Variants in MREG observed in about 807,000 individuals in gnomAD.
MREG encodes melanoregulin.
A neutral mutation model predicts 28.5 loss-of-function variants in MREG; 31 were observed. That is an observed-to-expected ratio of 1.09 (90% CI 0.82 to 1.47). The LOEUF (loss-of-function observed/expected upper bound fraction) is 1.47, where lower values mean the gene tolerates loss of function less well. Ranked by LOEUF, MREG falls within the 40% of genes most tolerant of loss-of-function variation. The pLI is 0.00. For synonymous variants in MREG, 106 were observed against 95.2 expected, an observed-to-expected ratio of 1.11 and a Z score of -0.66; for missense variants, 256 against 257.4, an observed-to-expected ratio of 0.99 and a Z score of 0.04.
chr2:216,024,636 G>A (rs1354887137), intron 1 of MREG, among the ~76,000 whole-genome samples: 1 of 152,066 alleles, frequency 6.6e-6, no homozygotes, highest in Non-Finnish European at 1.5e-5. Flanking sequence ...CATTTTGGGA[G>A]GCCGAGGCGG....
intron 2 of MREG, among the ~76,000 whole-genome samples, chr2:215,952,741 T>C (rs569828747): frequency 2.8e-4 from 43 of 152,170 alleles, no homozygotes; most frequent in African/African-American, 9.6e-4. Context: ...AGATACAAAA[T>C]GAAAACCAGA....
Position 216,013,417 on chromosome 2 carries a change from G to T in MREG, c.-90C>A. On this transcript the variant is annotated 5_prime_UTR_variant, in exon 1 of 5. Coordinates refer to ENST00000263268, the MANE Select transcript of MREG (RefSeq NM_018000.3). ...GCTGGGGCGCGGCCACCGCGCCAGC[G>T]TCCAGGTGCGGGGACAGCGGCAGCC... is the stretch of plus-strand genomic sequence containing the variant. 3 of 924,236 alleles carry T rather than the reference G, an allele frequency of 3.2e-6. No individual in the cohort carries two copies. The highest frequency in any genetic ancestry group is 4.3e-6 in the Non-Finnish European group (3 of 698,580). 57.3% of individuals were successfully genotyped at this position (924,236 alleles called of 1,614,324 possible).
rs1441481117 is a variant in MREG, at chr2:216,023,869, T to C, written c.-68+8920A>G. ...ATTTAGTAGAGACACGGTTTCACCA[T>C]GTTGGCCAGGCTGGTCTCAAACTCC... On this transcript the variant is annotated intron_variant, in intron 1 of 3. Transcript: ENST00000420348. Among the ~76,000 whole-genome samples, 5 of 152,200 alleles carry C rather than the reference T, an allele frequency of 3.3e-5. No individual in the cohort carries two copies. The East Asian group carries it at 9.6e-4, about 29-fold the overall frequency.
chr2:216,017,057 G>A (rs111679953), upstream of MREG, among the ~76,000 whole-genome samples: 5 of 152,186 alleles, frequency 3.3e-5, no homozygotes, highest in African/African-American at 1.2e-4. Flanking sequence ...ACATCCCCCC[G>A]GGTAACCATT....
rs80354967 is a variant in MREG, at chr2:215,957,566, G to C, written c.256-10453C>G. On this transcript the variant is annotated intron_variant, in intron 2 of 4. Coordinates refer to ENST00000263268, the MANE Select transcript of MREG (RefSeq NM_018000.3). ...AGAGGTCTGAGATTCTAAGGACTGA[G>C]GAGAGAAGGTAAATATTTGGGGCTG... Among the ~76,000 whole-genome samples, 386 of 152,346 alleles carry C rather than the reference G, an allele frequency of 2.5e-3. 1 individual carries two copies. The highest frequency in any genetic ancestry group is 8.7e-3 in the African/African-American group (362 of 41,576).
chr2:215,953,873 T>C (rs541465270), intron 2 of MREG, among the ~76,000 whole-genome samples: 19 of 152,192 alleles, frequency 1.2e-4, no homozygotes, highest in Non-Finnish European at 2.5e-4. Context: ...CACAAAATAT[T>C]AGTTTCATAT....
At position 215,944,347 on chromosome 2, in the gene MREG, G is replaced by A. The variant is rs1214815086; in HGVS notation, c.*516C>T. The A allele has an allele frequency of 6.6e-6, 1 of 152,240 alleles. No homozygotes were observed. 9.4% of individuals were successfully genotyped at this position (152,240 alleles called of 1,614,324 possible). A position where few individuals can be genotyped will look rare whatever the true frequency, so the allele number is the denominator to read the frequency against. On this transcript the variant is annotated 3_prime_UTR_variant, in exon 5 of 5. Coordinates refer to ENST00000263268, the MANE Select transcript of MREG (RefSeq NM_018000.3). ...AATCATAACTGATACTCAAAGAGATGCCCTGACACCCTCCAAGGTTCTACA... is the reference window on the plus strand; with the variant it reads ...AATCATAACTGATACTCAAAGAGATACCCTGACACCCTCCAAGGTTCTACA...
intron 2 of MREG, among the ~76,000 whole-genome samples, chr2:215,973,562 A>G (rs1229656187): frequency 2.6e-5 from 4 of 152,148 alleles, no homozygotes; most frequent in Non-Finnish European, 5.9e-5. Flanking sequence ...ATTGGAGCAA[A>G]TGGATAAACG....
intron 1 of MREG, 73 bp from the exon 2 acceptor site, chr2:215,996,538 A>G: frequency 1.8e-6 from 2 of 1,087,206 alleles, no homozygotes; most frequent in East Asian, 2.4e-5. Flanking sequence ...TGCATGCAAC[A>G]TACAATATCA....
At chr2:215,970,722 C>T (rs891557524) in intron 2 of MREG, among the ~76,000 whole-genome samples, 3 of 152,186 alleles carry the variant, frequency 2.0e-5, no homozygotes, top group Non-Finnish European at 4.4e-5. Context: ...CCTGCCAATG[C>T]CACAGGCTTG....
intron 2 of MREG, among the ~76,000 whole-genome samples, chr2:215,952,610 A>G (rs1253957094): frequency 2.6e-5 from 4 of 152,200 alleles, no homozygotes; most frequent in African/African-American, 7.2e-5. Flanking sequence ...TGTTCTAACA[A>G]TAATTTACAT....
chr2:216,014,971 C>T (rs1574657458), upstream of MREG, among the ~76,000 whole-genome samples: 1 of 152,230 alleles, frequency 6.6e-6, no homozygotes, highest in African/African-American at 2.4e-5. Context: ...GAAACAAATA[C>T]AAATCTTTAC....
chr2:215,947,195 A>T, intron 2 of MREG, 82 bp from the exon 3 acceptor site: 1 of 791,840 alleles, frequency 1.3e-6, no homozygotes, highest in Admixed American at 2.5e-5. Context: ...TGTTGCCTAA[A>T]CACCTGGCTC....
rs1178467810 is a variant in MREG at position 215,943,915 on chromosome 2, G to T, written c.*948C>A. Among the ~76,000 whole-genome samples, 1 of 134,710 alleles carries T rather than the reference G, an allele frequency of 7.4e-6. No homozygotes were observed. The highest frequency in any genetic ancestry group is 1.6e-5 in the Non-Finnish European group (1 of 64,156). The allele number at this position is 134,710 out of a possible 152,430, so 88.4% of individuals were successfully genotyped here. On this transcript the variant is annotated 3_prime_UTR_variant, in exon 5 of 5. Coordinates refer to ENST00000263268, the MANE Select transcript of MREG (RefSeq NM_018000.3). ...ACAATATACAAAGATGAGAGAACCA[G>T]ATATCAATAATGTTGGGAATTTAAA...
At chr2:216,013,146 A>T (rs74837438) in intron 1 of MREG, 87 bp downstream of exon 1, 13 of 1,209,850 alleles carry the variant, frequency 1.1e-5, no homozygotes, top group Admixed American at 2.2e-5. Flanking sequence ...CACCTCCCCA[A>T]CTCACACAAG....
chr2:215,955,866 T>A (rs1574597097), intron 2 of MREG, among the ~76,000 whole-genome samples: 1 of 152,120 alleles, frequency 6.6e-6, no homozygotes, highest in South Asian at 2.1e-4. Context: ...GTGAAATAGA[T>A]AATACAGACT....
At chr2:216,001,858 C>T (rs764796072) in intron 1 of MREG, among the ~76,000 whole-genome samples, 2 of 152,138 alleles carry the variant, frequency 1.3e-5, no homozygotes, top group African/African-American at 4.8e-5. Context: ...GAGAAGCCTA[C>T]AGCAAATGGC....
upstream of MREG, among the ~76,000 whole-genome samples, chr2:216,014,273 T>C (rs376450829): frequency 1.3e-5 from 2 of 152,130 alleles, no homozygotes; most frequent in South Asian, 2.1e-4. Context: ...GATGGACATA[T>C]GGGTGGATTC....
Position 215,981,981 on chromosome 2 carries a change from G to T in MREG, c.255+14325C>A, listed in dbSNP as rs1407576812. Among the ~76,000 whole-genome samples the T allele has an allele frequency of 3.9e-5, 6 of 152,212 alleles. No homozygotes were observed. In the East Asian group the frequency reaches 1.2e-3, roughly 29 times the overall value. ...CATCAGGTTTGCCACTATTTATTGT[G>T]TCAACTCTGCTGACTTACATGGAGC... On this transcript the variant is annotated intron_variant, in intron 2 of 4. Transcript: ENST00000263268.
Sources: gnomAD v4.1 joint callset for allele counts (sites outside exome capture counted in the v4.1 genomes callset) on GRCh38, gnomAD v4.1.1 for gene constraint, MANE v1.5 for transcripts, NCBI Gene and HGNC (gene_info 2026-07-23, HGNC 2026-07-21) for gene names.